SLC52A2: variants seen among roughly 807,000 people sequenced by gnomAD.
The protein encoded by SLC52A2 is solute carrier family 52, riboflavin transporter, member 2.
A neutral mutation model predicts 24.8 loss-of-function variants in SLC52A2; 16 were observed. That is an observed-to-expected ratio of 0.64 (90% CI 0.44 to 0.98). The LOEUF (loss-of-function observed/expected upper bound fraction) is 0.98, where lower values mean the gene tolerates loss of function less well. Ranked by LOEUF, SLC52A2 falls within the 50% of genes least tolerant of loss-of-function variation. SLC52A2 has a pLI of 0.00. For synonymous variants in SLC52A2, 335 were observed against 276.3 expected, an observed-to-expected ratio of 1.21 and a Z score of -2.11; for missense variants, 612 against 575.9, an observed-to-expected ratio of 1.06 and a Z score of -0.64.
In SLC52A2 at chr8:144,360,148, C is replaced by T. The variant is rs374006728; in HGVS notation, c.656C>T (p.Pro219Leu). The change falls in exon 3 of 5, where the codon CCG (proline) becomes CTG (leucine). Residue 219 changes from proline (P) to leucine (L), a missense_variant. Pro to Leu is a moderately conservative substitution (Grantham distance 98). Transcript: ENST00000643944. Reference sequence around the variant, plus strand: ...TTCCAGGGTCTTCTGCTGCTGTTGCCGCCACCACCATCTGTACCCACAGGG... The same window carrying T: ...TTCCAGGGTCTTCTGCTGCTGTTGCTGCCACCACCATCTGTACCCACAGGG... ...AAFQGLLLLL[P>L]PPPSVPTGEL... 14 of 1,612,788 alleles carry T rather than the reference C, an allele frequency of 8.7e-6. No homozygotes were observed. Among genetic ancestry groups the T allele is most frequent in the Admixed American group, 3.3e-5 (2 of 60,010 alleles).
At chr8:144,359,589 A>G (rs1554853823) in intron 2 of SLC52A2, 34 bp from the exon 3 acceptor site, 5 of 1,604,868 alleles carry the variant, frequency 3.1e-6, no homozygotes, top group East Asian at 4.5e-5. Flanking sequence ...CTTGGGCATC[A>G]TGACCCTGAC....
Position 144,359,051 on chromosome 8 carries a change from C to G in SLC52A2, c.-125C>G. 2.1e-6 allele frequency: 1 copy of G among 482,072 alleles called. No homozygotes were observed. Among genetic ancestry groups the G allele is most frequent in the East Asian group, 3.7e-5 (1 of 27,226 alleles). 29.9% of individuals were successfully genotyped at this position (482,072 alleles called of 1,614,324 possible). A position where few individuals can be genotyped will look rare whatever the true frequency, so the allele number is the denominator to read the frequency against. ...GCCGGCTTCCTGCTTCCCTGCCTGC[C>G]GGCGGTCCCGCTGGGTACGTTTTAG... On this transcript the variant is annotated 5_prime_UTR_variant, in exon 1 of 5. Coordinates refer to ENST00000643944, the MANE Select transcript of SLC52A2 (RefSeq NM_001363118.2).
intron 1 of SLC52A2, 29 bp from the exon 2 acceptor site, chr8:144,359,155 A>G: frequency 7.4e-7 from 1 of 1,349,850 alleles, no homozygotes; most frequent in Non-Finnish European, 1.0e-6. Context: ...CCGGCTCTGC[A>G]TCCTATCTGT....
Position 144,361,128 on chromosome 8 carries a change from C to T in SLC52A2, c.*113C>T, listed in dbSNP as rs968831430. On this transcript the variant is annotated 3_prime_UTR_variant, in exon 5 of 5. Transcript: ENST00000643944. ...CGCACACCGGTACACTCGTGGACACCTACACACTCCATAGGAGATCCTGGC... is the reference window on the plus strand; with the variant it reads ...CGCACACCGGTACACTCGTGGACACTTACACACTCCATAGGAGATCCTGGC... 7 of 1,090,078 alleles carry T rather than the reference C, an allele frequency of 6.4e-6. No homozygotes were observed. The African/African-American group carries it at 9.3e-5, about 15-fold the overall frequency. The allele number at this position is 1,090,078 out of a possible 1,614,324, so 67.5% of individuals were successfully genotyped here. A position where few individuals can be genotyped will look rare whatever the true frequency, so the allele number is the denominator to read the frequency against.
chr8:144,359,371 G>T lies in SLC52A2; in HGVS notation c.78G>T (p.Ala26=). The change falls in exon 2 of 5, where the codon GCG becomes GCT. Residue 26 remains alanine (A), a synonymous_variant. Transcript: ENST00000643944. ...TCTTCGGCATGGGCTCCTGGGCTGC[G>T]GTCAATGGGATCTGGGTGGAGCTAC... ...VALFGMGSWA[A]VNGIWVELPV... is the part of the protein sequence containing the mutation. 6.2e-7 allele frequency: 1 copy of T among 1,614,102 alleles called. No homozygotes were observed. The highest frequency in any genetic ancestry group is 8.5e-7 in the Non-Finnish European group (1 of 1,180,000).
At position 144,360,875 on chromosome 8, in the gene SLC52A2, G is replaced by A. The variant is rs781984256; in HGVS notation, c.1198G>A (p.Gly400Arg). 1.4e-5 allele frequency: 23 copies of A among 1,612,856 alleles called. No individual in the cohort carries two copies. The highest frequency in any genetic ancestry group is 2.2e-5 in the South Asian group (2 of 91,074). Residue 400 changes from glycine (G) to arginine (R), a missense_variant, in exon 5 of 5, where the codon GGG becomes AGG. Transcript: ENST00000643944. Reference sequence around the variant, plus strand: ...GGCAGCCAGCTCCCTGCTGCATGGCGGGGGCCGGCCGGCATTGCTGGCAGC... The same window carrying A: ...GGCAGCCAGCTCCCTGCTGCATGGCAGGGGCCGGCCGGCATTGCTGGCAGC... ...KVAASSLLHG[G>R]GRPALLAAGV...
Position 144,359,610 on chromosome 8 carries a change from C to G in SLC52A2, c.131-13C>G. 6.2e-7 allele frequency: 1 copy of G among 1,609,490 alleles called. No homozygotes were observed. ...CATCATGACCCTGACATGGCCTCCT[C>G]CCTTCCCTGCAGGTTGGAGCCTCCC... On this transcript the variant is annotated splice_polypyrimidine_tract_variant and intron_variant, in intron 2 of 4. Coordinates refer to ENST00000643944, the MANE Select transcript of SLC52A2 (RefSeq NM_001363118.2).
rs782098666 is a variant in SLC52A2, at chr8:144,360,857, A to G, written c.1180A>G (p.Ser394Gly). 1 of 1,613,260 alleles carries G rather than the reference A, an allele frequency of 6.2e-7. No homozygotes were observed. The highest frequency in any genetic ancestry group is 1.7e-5 in the Admixed American group (1 of 60,008). The change falls in exon 5 of 5, where the codon AGC (serine) becomes GGC (glycine). Residue 394 changes from serine to glycine, a missense_variant. By Grantham distance (56) the Ser-to-Gly change is moderately conservative. Coordinates refer to ENST00000643944, the MANE Select transcript of SLC52A2 (RefSeq NM_001363118.2). ...GTTCTCCTACGTGAAGGTGGCAGCC[A>G]GCTCCCTGCTGCATGGCGGGGGCCG... ...GVFSYVKVAA[S>G]SLLHGGGRPA...
chr8:144,359,642 C>T lies in SLC52A2; in HGVS notation c.150C>T (p.Tyr50=), dbSNP rs782361124. 8.1e-6 allele frequency: 13 copies of T among 1,613,446 alleles called. No homozygotes were observed. Among genetic ancestry groups the T allele is most frequent in the African/African-American group, 1.3e-5 (1 of 75,036 alleles). ...CTGCAGGTTGGAGCCTCCCCTCTTA[C>T]GTCTCTGTGCTTGTGGCTCTGGGGA... ...ELPEGWSLPS[Y]VSVLVALGNL... The change falls in exon 3 of 5, where the codon TAC becomes TAT. Residue 50 remains tyrosine (Y), a synonymous_variant. Coordinates refer to ENST00000643944, the MANE Select transcript of SLC52A2 (RefSeq NM_001363118.2).
Position 144,358,620 on chromosome 8 carries a change from G to C in SLC52A2, c.-556G>C. On this transcript the variant is annotated 5_prime_UTR_variant, in exon 1 of 5. Coordinates refer to ENST00000643944, the MANE Select transcript of SLC52A2 (RefSeq NM_001363118.2). Reference sequence around the variant, plus strand: ...CCCGGAACCGCCACGGGTGAGTCGGGTCGTGGCTGCTGCCGGGTCCTGCGC... The same window carrying C: ...CCCGGAACCGCCACGGGTGAGTCGGCTCGTGGCTGCTGCCGGGTCCTGCGC... 1 of 780,178 alleles carries C rather than the reference G, an allele frequency of 1.3e-6. No individual in the cohort carries two copies. Among genetic ancestry groups the C allele is most frequent in the Non-Finnish European group, 1.7e-6 (1 of 578,454 alleles). 48.3% of individuals were successfully genotyped at this position (780,178 alleles called of 1,614,324 possible).
In SLC52A2 at chr8:144,359,245, A is replaced by C. The variant is rs1317474060; in HGVS notation, c.-49A>C. Reference sequence around the variant, plus strand: ...GTGTCTGGCCCTAGGTGGGAAAAGAACTGGCTGTGACCTTTGCCCTGACCT... The same window carrying C: ...GTGTCTGGCCCTAGGTGGGAAAAGACCTGGCTGTGACCTTTGCCCTGACCT... On this transcript the variant is annotated 5_prime_UTR_variant, in exon 2 of 5. Coordinates refer to ENST00000643944, the MANE Select transcript of SLC52A2 (RefSeq NM_001363118.2). 1.3e-6 allele frequency: 2 copies of C among 1,563,134 alleles called. No individual in the cohort carries two copies. The highest frequency in any genetic ancestry group is 2.7e-5 in the African/African-American group (2 of 73,476).
At position 144,360,731 on chromosome 8, in the gene SLC52A2, TGAAGTG is replaced by T; in HGVS notation, c.1125+20_1125+25del. ...TCCTCGTGGTGAGCACAGGGGGACA[TGAAGTG>T]GGGTGGGGGGGCGTTGCCCTGGAGC... On this transcript the variant is annotated intron_variant, in intron 4 of 4. Transcript: ENST00000643944. The T allele has an allele frequency of 6.3e-7, 1 of 1,580,182 alleles. No individual in the cohort carries two copies.
Position 144,361,051 on chromosome 8 carries a change from G to A in SLC52A2, c.*36G>A, listed in dbSNP as rs1554854681. 6.3e-7 allele frequency: 1 copy of A among 1,595,578 alleles called. No homozygotes were observed. The highest frequency in any genetic ancestry group is 1.1e-5 in the South Asian group (1 of 90,426). Reference sequence around the variant, plus strand: ...GTGGGGACCCCGCTCCCCAACACCTGTCTTTCCCTCAATGCTGCCACCATG... The same window carrying A: ...GTGGGGACCCCGCTCCCCAACACCTATCTTTCCCTCAATGCTGCCACCATG... On this transcript the variant is annotated 3_prime_UTR_variant, in exon 5 of 5. Transcript: ENST00000643944.
rs1554854045 is a variant in SLC52A2 at position 144,360,042 on chromosome 8, C to T, written c.550C>T (p.Pro184Ser). ...CCCCATCAACGGCACCCCTGGCCCC[C>T]CGCTCGACTTCCTTGAGCGTTTTCC... The part of the protein sequence containing the change: ...PAPINGTPGP[P>S]LDFLERFPAS... Residue 184 changes from proline to serine, a missense_variant, in exon 3 of 5, where the codon CCG (proline) becomes TCG (serine). Coordinates refer to ENST00000643944, the MANE Select transcript of SLC52A2 (RefSeq NM_001363118.2). 1.9e-6 allele frequency: 3 copies of T among 1,612,934 alleles called. No homozygotes were observed. The East Asian group carries it at 6.7e-5, about 36-fold the overall frequency.
rs782298419 is a variant in SLC52A2 at position 144,360,327 on chromosome 8, C to T, written c.835C>T (p.Leu279=). The change falls in exon 3 of 5, where the codon CTG becomes TTG. Residue 279 remains leucine (L), a synonymous_variant. Coordinates refer to ENST00000643944, the MANE Select transcript of SLC52A2 (RefSeq NM_001363118.2). ...GCTTCTATCAGCCCGCAGTGCCTGC[C>T]TGCTGGGCCTGTTGGCCGCCACCAA... is the stretch of plus-strand genomic sequence containing the variant. ...YQLLSARSAC[L]LGLLAATNAL... The T allele has an allele frequency of 2.9e-5, 47 of 1,609,476 alleles. No homozygotes were observed. Among genetic ancestry groups the T allele is most frequent in the Middle Eastern group, 1.6e-4 (1 of 6,084 alleles).
Position 144,359,288 on chromosome 8 carries a change from G to T in SLC52A2, c.-6G>T, listed in dbSNP as rs1399033347. 6 of 1,610,002 alleles carry T rather than the reference G, an allele frequency of 3.7e-6. No homozygotes were observed. The highest frequency in any genetic ancestry group is 5.1e-6 in the Non-Finnish European group (6 of 1,177,954). On this transcript the variant is annotated 5_prime_UTR_variant, in exon 2 of 5. Coordinates refer to ENST00000643944, the MANE Select transcript of SLC52A2 (RefSeq NM_001363118.2). ...CCTGACCTGGAAGGGCCCAGCCTTG[G>T]GCTGAATGGCAGCACCCACGCCCGC...
chr8:144,361,012 C>T lies in SLC52A2; in HGVS notation c.1335C>T (p.Ser445=), dbSNP rs1818857656. 4 of 1,612,292 alleles carry T rather than the reference C, an allele frequency of 2.5e-6. No individual in the cohort carries two copies. The highest frequency in any genetic ancestry group is 2.2e-5 in the East Asian group (1 of 44,846). ...AGGACTGTGCAGACCCCTGTGACTC[C>T]TGAGCCTGGGCAGGTGGGGACCCCG... is the stretch of plus-strand genomic sequence containing the variant. ...SRKDCADPCD[S] The change falls in exon 5 of 5, where the codon TCC becomes TCT. Residue 445 remains serine (S), a synonymous_variant. Transcript: ENST00000643944.
intron 2 of SLC52A2, 54 bp from the exon 3 acceptor site, chr8:144,359,569 C>G: frequency 1.2e-6 from 2 of 1,602,528 alleles, no homozygotes; most frequent in Admixed American, 1.7e-5. Context: ...GGCTTTGGCA[C>G]TCTTCCTCCC....
rs782725706 is a variant in SLC52A2, at chr8:144,360,381, G to C, written c.889G>C (p.Val297Leu). 1.1e-5 allele frequency: 17 copies of C among 1,608,162 alleles called. No individual in the cohort carries two copies. Among genetic ancestry groups the C allele is most frequent in the Non-Finnish European group, 1.4e-5 (17 of 1,180,000 alleles). Residue 297 changes from valine to leucine, a missense_variant, in exon 3 of 5, where the codon GTG becomes CTG. Coordinates refer to ENST00000643944, the MANE Select transcript of SLC52A2 (RefSeq NM_001363118.2). ...NALTNGVLPAVQSFSCLPYGR... is the reference protein window; with the variant it reads ...NALTNGVLPALQSFSCLPYGR... Reference sequence around the variant, plus strand: ...GCTGACCAATGGCGTGCTGCCTGCCGTGCAGAGCTTTTCCTGCTTACCCTA... The same window carrying C: ...GCTGACCAATGGCGTGCTGCCTGCCCTGCAGAGCTTTTCCTGCTTACCCTA...
Sources: gnomAD v4.1 joint callset for allele counts on GRCh38, gnomAD v4.1.1 for gene constraint, MANE v1.5 for transcripts, NCBI Gene and HGNC (gene_info 2026-07-23, HGNC 2026-07-21) for gene names.